LINGO2: variants seen among roughly 807,000 people sequenced by gnomAD.
LINGO2 encodes leucine-rich repeat and immunoglobulin-like domain-containing nogo receptor-interacting protein 2.
A neutral mutation model predicts 30.6 loss-of-function variants in LINGO2; 14 were observed. The ratio of observed to expected loss-of-function variants is 0.46; its 90% CI spans 0.30 to 0.72. The LOEUF is 0.72. LINGO2 is among the 30% of genes least tolerant of loss of function. The pLI is 0.07. For missense variants in LINGO2, 729 were observed against 751.7 expected (o/e 0.97, Z 0.35); for synonymous variants, 317 against 288.5 (o/e 1.10, Z -1.00).
At chr9:28,307,188 C>T (rs1046431297) in intron 3 of LINGO2, among the ~76,000 whole-genome samples, 1 of 152,148 alleles carries the variant, frequency 6.6e-6, no homozygotes, top group African/African-American at 2.4e-5. Flanking sequence ...CAATAAAATA[C>T]TGGGAAACCG....
chr9:29,024,243 G>A, the LINGO2 span, among the ~76,000 whole-genome samples: 35,135 of 151,844 alleles, frequency 0.23, 4,264 homozygotes, highest in Admixed American at 0.25. Context: ...CAAGTGACAT[G>A]CATGATTCCT....
At chr9:28,469,013 T>C (rs900257488) in intron 2 of LINGO2, among the ~76,000 whole-genome samples, 1 of 152,046 alleles carries the variant, frequency 6.6e-6, no homozygotes, top group African/African-American at 2.4e-5. Flanking sequence ...AATAATTGTC[T>C]TAAATATGCT....
chr9:28,280,416 T>C (rs1176602380), intron 4 of LINGO2, among the ~76,000 whole-genome samples: 1 of 152,136 alleles, frequency 6.6e-6, no homozygotes, highest in African/African-American at 2.4e-5. Flanking sequence ...TGAAGAATGT[T>C]AGGGAGAAGT....
chr9:28,956,707 C>T, the LINGO2 span, among the ~76,000 whole-genome samples: 1 of 115,742 alleles, frequency 8.6e-6, no homozygotes, highest in Non-Finnish European at 1.8e-5. Context: ...CCCTCCCTTC[C>T]CTCCTCCCTC....
At chr9:28,341,465 A>C (rs1825762814) in intron 3 of LINGO2, among the ~76,000 whole-genome samples, 1 of 152,128 alleles carries the variant, frequency 6.6e-6, no homozygotes, top group Non-Finnish European at 1.5e-5. Context: ...AGCAAAGACA[A>C]AACATTAGCC....
the LINGO2 span, among the ~76,000 whole-genome samples, chr9:29,043,358 C>A: frequency 6.6e-6 from 1 of 152,048 alleles, no homozygotes; most frequent in African/African-American, 2.4e-5. Context: ...TCTTCAATAT[C>A]TTCTACAAAG....
At chr9:28,243,732 G>A (rs1215167964) in intron 4 of LINGO2, among the ~76,000 whole-genome samples, 3 of 151,820 alleles carry the variant, frequency 2.0e-5, no homozygotes, top group African/African-American at 7.3e-5. Context: ...AAGAAGAAGG[G>A]CGTTACATAA....
At chr9:28,746,051 T>C in the LINGO2 span, among the ~76,000 whole-genome samples, 6 of 151,996 alleles carry the variant, frequency 3.9e-5, no homozygotes, top group South Asian at 2.1e-4. Flanking sequence ...AAATTATTAA[T>C]AGTAAGTAAT....
chr9:28,494,648 T>C (rs1715680666), intron 1 of LINGO2, among the ~76,000 whole-genome samples: 1 of 152,218 alleles, frequency 6.6e-6, no homozygotes, highest in African/African-American at 2.4e-5. Flanking sequence ...TCCAAGTCTT[T>C]GCTATTGTGA....
intron 1 of LINGO2, among the ~76,000 whole-genome samples, chr9:28,476,921 A>C (rs1825752641): frequency 6.6e-6 from 1 of 152,208 alleles, no homozygotes; most frequent in Non-Finnish European, 1.5e-5. Context: ...TAAAGTTGTA[A>C]AAGGAAATGA....
chr9:29,142,266 T>A, the LINGO2 span, among the ~76,000 whole-genome samples: 1 of 151,828 alleles, frequency 6.6e-6, no homozygotes, highest in African/African-American at 2.4e-5. Context: ...CAGGAAAATT[T>A]AAAAATTTGT....
the LINGO2 span, among the ~76,000 whole-genome samples, chr9:28,836,637 T>A: frequency 2.6e-5 from 4 of 151,822 alleles, no homozygotes; most frequent in East Asian, 1.9e-4. Flanking sequence ...TTTAATTTTT[T>A]AAAATTTTTA....
At chr9:28,101,475 T>C (rs1826414679) in intron 4 of LINGO2, among the ~76,000 whole-genome samples, 1 of 152,224 alleles carries the variant, frequency 6.6e-6, no homozygotes, top group Admixed American at 6.5e-5. Context: ...AATTTCTTGC[T>C]ATTGTCAATG....
the LINGO2 span, among the ~76,000 whole-genome samples, chr9:29,139,397 A>G: frequency 6.6e-6 from 1 of 152,212 alleles, no homozygotes; most frequent in Non-Finnish European, 1.5e-5. Context: ...TTTGTAATGT[A>G]GCAATAAATA....
At chr9:28,163,483 A>T (rs1828343453) in intron 4 of LINGO2, among the ~76,000 whole-genome samples, 1 of 152,150 alleles carries the variant, frequency 6.6e-6, no homozygotes, top group Admixed American at 6.6e-5. Context: ...AAGGATAAAA[A>T]TACCTAAAAT....
At chr9:28,530,170 T>C (rs138388961) in intron 1 of LINGO2, among the ~76,000 whole-genome samples, 1 of 152,156 alleles carries the variant, frequency 6.6e-6, no homozygotes, top group East Asian at 1.9e-4. Context: ...TGAGAAATCA[T>C]TGTAAGCAAT....
At chr9:28,903,374 C>T in the LINGO2 span, among the ~76,000 whole-genome samples, 1 of 152,152 alleles carries the variant, frequency 6.6e-6, no homozygotes, top group Non-Finnish European at 1.5e-5. Flanking sequence ...GAGATTGAAT[C>T]AGAAATACAA....
chr9:28,927,154 T>C, the LINGO2 span, among the ~76,000 whole-genome samples: 1 of 152,228 alleles, frequency 6.6e-6, no homozygotes, highest in Admixed American at 6.5e-5. Context: ...AAAAGTACTG[T>C]GCCTGGTAAA....
In LINGO2 at chr9:28,054,576, G is replaced by GAA. The variant is rs544596928; in HGVS notation, c.-86-42173_-86-42172dup. The stretch of plus-strand genomic sequence containing the variant: ...ATTAACTGTTTAAAAAATTTTAGAA[G>GAA]AAAAACTTACAACACTTGATCACTC... On this transcript the variant is annotated intron_variant, in intron 4 of 5. Coordinates refer to ENST00000379992, the Ensembl canonical transcript of LINGO2. 1.6e-4 allele frequency among the ~76,000 whole-genome samples: 25 copies of GAA among 152,106 alleles called. No homozygotes were observed. In the East Asian group the frequency reaches 3.5e-3, roughly 21 times the overall value.
Sources: allele counts gnomAD v4.1 joint callset (sites outside exome capture counted in the v4.1 genomes callset), GRCh38; gene constraint gnomAD v4.1.1; transcripts MANE v1.5; gene names NCBI Gene and HGNC (gene_info 2026-07-23, HGNC 2026-07-21).